The following CDH12 variants were observed in gnomAD, a reference collection of about 807,000 sequenced individuals.
The protein encoded by CDH12 is cadherin-12.
Under a neutral mutation model 74.1 loss-of-function variants are expected in CDH12, and 41 were observed. The observed-to-expected ratio is 0.55, with a 90% CI of 0.43 to 0.72. The LOEUF is 0.72. CDH12 is among the 30% of genes least tolerant of loss of function. CDH12 has a pLI of 0.00. For synonymous variants in CDH12, 399 were observed against 355.0 expected (o/e 1.12, Z -1.39); for missense variants, 945 against 977.2 (o/e 0.97, Z 0.44).
chr5:22,100,262 T>C (rs1215137317), intron 4 of CDH12, among the ~76,000 whole-genome samples: 1 of 152,162 alleles, frequency 6.6e-6, no homozygotes, highest in East Asian at 1.9e-4. Flanking sequence ...AAACCTTAAA[T>C]TAAACACTAG....
At chr5:22,710,829 A>C (rs1580913513) in intron 1 of CDH12, among the ~76,000 whole-genome samples, 1 of 152,230 alleles carries the variant, frequency 6.6e-6, no homozygotes, top group Middle Eastern at 3.4e-3. Context: ...GCTTAAAATT[A>C]TCTGCTCCTG....
intron 2 of CDH12, among the ~76,000 whole-genome samples, chr5:22,456,050 C>T (rs527606508): frequency 4.6e-5 from 7 of 150,996 alleles, no homozygotes; most frequent in South Asian, 4.2e-4. Flanking sequence ...GAATAGTGAG[C>T]AAATTTGGCA....
intron 6 of CDH12, among the ~76,000 whole-genome samples, chr5:21,901,191 G>A (rs539727495): frequency 1.3e-5 from 2 of 152,036 alleles, no homozygotes; most frequent in East Asian, 3.9e-4. Context: ...AAATTTTGGG[G>A]ATTTTCTAAG....
intron 4 of CDH12, among the ~76,000 whole-genome samples, chr5:22,136,602 C>T (rs1259176160): frequency 6.6e-6 from 1 of 151,084 alleles, no homozygotes; most frequent in African/African-American, 2.4e-5. Context: ...ATTATATATA[C>T]ATTATAATCA....
At chr5:22,485,821 T>A (rs926709841) in intron 2 of CDH12, among the ~76,000 whole-genome samples, 8 of 152,204 alleles carry the variant, frequency 5.3e-5, no homozygotes, top group Non-Finnish European at 1.0e-4. Flanking sequence ...ATGACACAAA[T>A]GCCTACCTTT....
chr5:21,763,665 A>G (rs1262871074), intron 12 of CDH12, among the ~76,000 whole-genome samples: 1 of 152,192 alleles, frequency 6.6e-6, no homozygotes. Context: ...TTTTTGTTTC[A>G]TGACATAATC....
At chr5:21,805,704 C>T (rs1167882180) in intron 9 of CDH12, among the ~76,000 whole-genome samples, 1 of 152,068 alleles carries the variant, frequency 6.6e-6, no homozygotes, top group Non-Finnish European at 1.5e-5. Flanking sequence ...TGACTACCCT[C>T]CATTTTTGGG....
intron 4 of CDH12, among the ~76,000 whole-genome samples, chr5:22,148,394 T>C (rs1747347785): frequency 6.6e-6 from 1 of 151,910 alleles, no homozygotes; most frequent in African/African-American, 2.4e-5. Context: ...GTTATGGATT[T>C]TAGTTTATTT....
intron 4 of CDH12, among the ~76,000 whole-genome samples, chr5:22,191,229 A>G (rs906689286): frequency 2.4e-4 from 37 of 151,692 alleles, no homozygotes; most frequent in African/African-American, 9.0e-4. Context: ...CTGGCCATCA[A>G]TTTTCCCAAG....
intron 1 of CDH12, among the ~76,000 whole-genome samples, chr5:22,727,349 A>C (rs1744211897): frequency 1.3e-5 from 2 of 151,770 alleles, no homozygotes; most frequent in South Asian, 4.1e-4. Context: ...TTGGGAGGAC[A>C]ACCCTTTTTA....
intron 2 of CDH12, among the ~76,000 whole-genome samples, chr5:22,469,565 A>G (rs1375503445): frequency 2.0e-5 from 3 of 152,152 alleles, no homozygotes; most frequent in Non-Finnish European, 4.4e-5. Context: ...CCTTTGCTCA[A>G]TAAAGACCTT....
chr5:22,771,596 A>G (rs2126311221), intron 1 of CDH12, among the ~76,000 whole-genome samples: 1 of 152,278 alleles, frequency 6.6e-6, no homozygotes, highest in South Asian at 2.1e-4. Flanking sequence ...TTTATAAAAG[A>G]AAATGCTATT....
At position 21,881,802 on chromosome 5, in the gene CDH12, C is replaced by T. The variant is rs539928266; in HGVS notation, c.527-27012G>A. ...TGCAAGGAATTTTCCACAGTAGCTA[C>T]ACTTGCCTAAGATCAGATATGCATA... is the stretch of plus-strand genomic sequence containing the variant. On this transcript the variant is annotated intron_variant, in intron 6 of 14. Coordinates refer to ENST00000382254, the MANE Select transcript of CDH12 (RefSeq NM_004061.5). Among the ~76,000 whole-genome samples the T allele has an allele frequency of 3.3e-5, 5 of 152,280 alleles. No individual in the cohort carries two copies. In the East Asian group the frequency reaches 9.7e-4, roughly 29 times the overall value.
chr5:21,816,649 A>AAAAAAAAAAAAAAAC (rs1561209107), intron 9 of CDH12, among the ~76,000 whole-genome samples: 3 of 145,262 alleles, frequency 2.1e-5, no homozygotes, highest in African/African-American at 7.5e-5. Context: ...AAAAAAAAAA[A>AAAAAAAAAAAAAAAC]AAAAGAATAG....
At position 22,598,983 on chromosome 5, in the gene CDH12, T is replaced by G. The variant is rs549518388; in HGVS notation, c.-522-93619A>C. 2.6e-5 allele frequency among the ~76,000 whole-genome samples: 4 copies of G among 152,314 alleles called. No homozygotes were observed. In the South Asian group the frequency reaches 8.3e-4, roughly 32 times the overall value. ...GATAATATTGCTATTACCTCCTGCA[T>G]GCTGGATCTGTTTGCAGCCGTATTG... On this transcript the variant is annotated intron_variant, in intron 1 of 14. Coordinates refer to ENST00000382254, the MANE Select transcript of CDH12 (RefSeq NM_004061.5).
chr5:22,341,074 T>A (rs1214518418), intron 3 of CDH12, among the ~76,000 whole-genome samples: 1 of 152,328 alleles, frequency 6.6e-6, no homozygotes, highest in East Asian at 1.9e-4. Flanking sequence ...CTTACTATAG[T>A]CTATATACTT....
rs1738129189 is a variant in CDH12 at position 22,542,079 on chromosome 5, A to C, written c.-522-36715T>G. ...AGGTACATGCATTAGAGGAATGACT[A>C]TAGCATTGCTTTTAAAAGATGGTAT... is the stretch of plus-strand genomic sequence containing the variant. On this transcript the variant is annotated intron_variant, in intron 1 of 14. Transcript: ENST00000382254. 1.3e-5 allele frequency among the ~76,000 whole-genome samples: 2 copies of C among 152,214 alleles called. 1 individual carries two copies. Among genetic ancestry groups the C allele is most frequent in the South Asian group, 4.1e-4 (2 of 4,834 alleles).
intron 3 of CDH12, among the ~76,000 whole-genome samples, chr5:22,325,442 T>C (rs1739044493): frequency 6.6e-6 from 1 of 152,138 alleles, no homozygotes; most frequent in South Asian, 2.1e-4. Context: ...TATGTTGTAT[T>C]CCGAAAGTAA....
chr5:21,889,902 T>C lies in CDH12; in HGVS notation c.527-35112A>G, dbSNP rs992460371. ...TCTTAGCATATAAGTTACCCCACAC[T>C]GGCAATGTTTGACTTTTATTGCTTA... On this transcript the variant is annotated intron_variant, in intron 6 of 14. Coordinates refer to ENST00000382254, the MANE Select transcript of CDH12 (RefSeq NM_004061.5). 13 of 952,392 alleles carry C rather than the reference T, an allele frequency of 1.4e-5. No homozygotes were observed. In the African/African-American group the frequency reaches 2.1e-4, roughly 16 times the overall value. The allele number at this position is 952,392 out of a possible 1,614,324, so 59.0% of individuals were successfully genotyped here.
Sources: allele counts gnomAD v4.1 joint callset (sites outside exome capture counted in the v4.1 genomes callset), GRCh38; gene constraint gnomAD v4.1.1; transcripts MANE v1.5; gene names NCBI Gene and HGNC (gene_info 2026-07-23, HGNC 2026-07-21).